LRRC4C: variants seen among roughly 807,000 people sequenced by gnomAD.
LRRC4C encodes leucine-rich repeat-containing protein 4C.
LRRC4C carries 5 observed loss-of-function variants against 33.6 expected under a neutral mutation model. That is an observed-to-expected ratio of 0.15 (90% CI 0.08 to 0.31). The LOEUF (loss-of-function observed/expected upper bound fraction) is 0.31. Among genes scored for constraint, LRRC4C ranks in the 10% least tolerant of loss-of-function variants. The pLI is 1.00. For synonymous variants in LRRC4C, 329 were observed against 302.0 expected, an observed-to-expected ratio of 1.09 and a Z score of -0.93; for missense variants, 560 against 796.7, an observed-to-expected ratio of 0.70 and a Z score of 3.58.
At chr11:40,773,528 A>G (rs1372727178) in intron 2 of LRRC4C, among the ~76,000 whole-genome samples, 1 of 152,070 alleles carries the variant, frequency 6.6e-6, no homozygotes, top group Admixed American at 6.6e-5. Flanking sequence ...AAATAAAGAT[A>G]AAAGAAAAAA....
chr11:41,203,985 C>T (rs949852718), intron 1 of LRRC4C, among the ~76,000 whole-genome samples: 1 of 152,120 alleles, frequency 6.6e-6, no homozygotes, highest in Non-Finnish European at 1.5e-5. Flanking sequence ...CTTTGTGAAA[C>T]AGCCACATGC....
intron 1 of LRRC4C, among the ~76,000 whole-genome samples, chr11:41,203,859 G>A (rs1214763721): frequency 6.6e-6 from 1 of 152,176 alleles, no homozygotes; most frequent in Non-Finnish European, 1.5e-5. Context: ...CAAAATGTCT[G>A]CCCTTTAAGA....
At chr11:40,829,074 T>A (rs1258491623) in intron 2 of LRRC4C, among the ~76,000 whole-genome samples, 1 of 151,958 alleles carries the variant, frequency 6.6e-6, no homozygotes, top group African/African-American at 2.4e-5. Context: ...TGATGCCCAG[T>A]AATGTTTACA....
chr11:41,414,918 T>C (rs2138256636), intron 1 of LRRC4C, among the ~76,000 whole-genome samples: 1 of 152,266 alleles, frequency 6.6e-6, no homozygotes, highest in East Asian at 1.9e-4. Flanking sequence ...AACCAGCAAA[T>C]GCTGCTTGGG....
intron 4 of LRRC4C, chr11:40,293,203 C>A (rs11035769): frequency 1.0e-5 from 1 of 98,610 alleles, no homozygotes; most frequent in Non-Finnish European, 2.3e-5. Context: ...GTGCGGGGGG[C>A]GGGGGCGGGG....
At chr11:41,265,793 C>T (rs928189499) in intron 1 of LRRC4C, among the ~76,000 whole-genome samples, 2 of 151,982 alleles carry the variant, frequency 1.3e-5, no homozygotes, top group African/African-American at 4.8e-5. Context: ...TCATTAGTAA[C>T]TCATATTACC....
intron 3 of LRRC4C, among the ~76,000 whole-genome samples, chr11:40,536,785 C>G (rs993694387): frequency 2.6e-5 from 4 of 152,072 alleles, no homozygotes; most frequent in Non-Finnish European, 5.9e-5. Flanking sequence ...CATTAACTAC[C>G]TTTAAAAATA....
At chr11:41,094,833 T>A (rs575964480) in intron 1 of LRRC4C, among the ~76,000 whole-genome samples, 2 of 152,290 alleles carry the variant, frequency 1.3e-5, no homozygotes, top group South Asian at 2.1e-4. Context: ...GATAATTTTT[T>A]AAACTAGGTG....
At chr11:41,213,427 A>G (rs1946905710) in intron 1 of LRRC4C, among the ~76,000 whole-genome samples, 1 of 152,214 alleles carries the variant, frequency 6.6e-6, no homozygotes, top group South Asian at 2.1e-4. Context: ...ATGAAAAGTG[A>G]CAGAAAAAGT....
intron 1 of LRRC4C, among the ~76,000 whole-genome samples, chr11:41,245,222 C>T (rs1441583495): frequency 2.0e-5 from 3 of 152,190 alleles, no homozygotes; most frequent in African/African-American, 7.2e-5. Flanking sequence ...CCTCTGTGGC[C>T]AGTGGTGACT....
At chr11:40,619,815 G>A (rs966631757) in intron 3 of LRRC4C, among the ~76,000 whole-genome samples, 1 of 151,148 alleles carries the variant, frequency 6.6e-6, no homozygotes, top group African/African-American at 2.4e-5. Context: ...ATTTAACTTG[G>A]CTTCTTCCAC....
intron 1 of LRRC4C, among the ~76,000 whole-genome samples, chr11:41,286,187 A>T (rs995949461): frequency 5.3e-5 from 8 of 152,156 alleles, no homozygotes; most frequent in African/African-American, 1.7e-4. Context: ...GATTCTTCTC[A>T]TGTGACTGGA....
chr11:41,047,221 C>G (rs903276146), intron 1 of LRRC4C, among the ~76,000 whole-genome samples: 1 of 152,006 alleles, frequency 6.6e-6, no homozygotes, highest in African/African-American at 2.4e-5. Context: ...TTTGAATAGA[C>G]ATTCTAGTTG....
In LRRC4C at chr11:41,034,510, ATG is replaced by A. The variant is rs563986882; in HGVS notation, c.-495-100789_-495-100788del. On this transcript the variant is annotated intron_variant, in intron 1 of 6. Coordinates refer to ENST00000528697, the MANE Select transcript of LRRC4C (RefSeq NM_001258419.2). ...ATATACACATATATATACAAAATAT[ATG>A]TGTGTATATATATATTTATATATAT... Among the ~76,000 whole-genome samples, 321 of 145,274 alleles carry A rather than the reference ATG, an allele frequency of 2.2e-3. 2 individuals are homozygous for A. Among genetic ancestry groups the A allele is most frequent in the African/African-American group, 8.0e-3 (319 of 39,786 alleles).
chr11:40,477,546 A>T (rs1008868610), intron 3 of LRRC4C, among the ~76,000 whole-genome samples: 1 of 143,766 alleles, frequency 7.0e-6, no homozygotes, highest in Non-Finnish European at 1.5e-5. Context: ...ATTCCCTTCT[A>T]AAAAAAAAAG....
intron 1 of LRRC4C, among the ~76,000 whole-genome samples, chr11:41,281,080 T>TCTCTCTCTCTC (rs1949657102): frequency 2.9e-5 from 3 of 104,502 alleles, no homozygotes; most frequent in Non-Finnish European, 5.5e-5. Context: ...CTCTCTGTCC[T>TCTCTCTCTCTC]CTCTCTCTCT....
chr11:41,402,075 T>C (rs1212811316), intron 1 of LRRC4C, among the ~76,000 whole-genome samples: 1 of 151,822 alleles, frequency 6.6e-6, no homozygotes, highest in African/African-American at 2.4e-5. Flanking sequence ...AAAAGTCTAG[T>C]GGGATAGAGA....
chr11:40,320,558 T>C (rs949387849), intron 3 of LRRC4C, among the ~76,000 whole-genome samples: 12 of 152,268 alleles, frequency 7.9e-5, no homozygotes, highest in Middle Eastern at 3.4e-3. Flanking sequence ...AATTTACATA[T>C]TCCTCAGTTT....
chr11:40,412,005 A>G (rs1418729228), intron 3 of LRRC4C, among the ~76,000 whole-genome samples: 1 of 151,938 alleles, frequency 6.6e-6, no homozygotes, highest in Non-Finnish European at 1.5e-5. Context: ...AAATATATGA[A>G]AATACTGATT....
Sources: allele counts gnomAD v4.1 joint callset (sites outside exome capture counted in the v4.1 genomes callset), GRCh38; gene constraint gnomAD v4.1.1; transcripts MANE v1.5; gene names NCBI Gene and HGNC (gene_info 2026-07-23, HGNC 2026-07-21).